The following ARID1B variants were observed in gnomAD, a reference collection of about 807,000 sequenced individuals.
ARID1B encodes the protein AT-rich interactive domain-containing protein 1B.
In ARID1B, 30 loss-of-function variants were observed where a neutral mutation model predicts 212.3. The observed-to-expected ratio is 0.14, with a 90% CI of 0.11 to 0.19. The LOEUF (loss-of-function observed/expected upper bound fraction) is 0.19. Among genes scored for constraint, ARID1B ranks in the 10% least tolerant of loss-of-function variants. The probability of loss-of-function intolerance (pLI) is 1.00; values close to 1 mark genes in which losing one functional copy is unlikely to be tolerated. For missense variants in ARID1B, 2,891 were observed against 3,204.0 expected (o/e 0.90, Z 2.36); for synonymous variants, 1,402 against 1,301.7 (o/e 1.08, Z -1.66).
At chr6:157,095,884 G>A (rs1302662955) in intron 5 of ARID1B, among the ~76,000 whole-genome samples, 1 of 152,006 alleles carries the variant, frequency 6.6e-6, no homozygotes, top group Non-Finnish European at 1.5e-5. Flanking sequence ...AGAGAAGCGA[G>A]CCTCAGTGGA....
At chr6:156,796,909 T>C (rs1003878238) in intron 1 of ARID1B, among the ~76,000 whole-genome samples, 2 of 151,910 alleles carry the variant, frequency 1.3e-5, no homozygotes, top group African/African-American at 2.4e-5. Flanking sequence ...AGGCCCAGCC[T>C]CATGTGCTTT....
At position 156,957,850 on chromosome 6, in the gene ARID1B, C is replaced by T. The variant is rs189629471; in HGVS notation, c.2247+22274C>T. ...TGATGGAGATAATGACACCAGGATA[C>T]CCATGTGTTGAGTCCATCTTGCTGC... On this transcript the variant is annotated intron_variant, in intron 4 of 19. Transcript: ENST00000636930. Among the ~76,000 whole-genome samples the T allele has an allele frequency of 3.3e-5, 5 of 152,148 alleles. No homozygotes were observed. In the East Asian group the frequency reaches 9.7e-4, roughly 29 times the overall value.
At position 156,778,946 on chromosome 6, in the gene ARID1B, GGCGGCGGCGGCC is replaced by G. The variant is rs763063242; in HGVS notation, c.1278_1289del (p.Ala430_Ala433del). 431 of 1,293,648 alleles carry G rather than the reference GGCGGCGGCGGCC, an allele frequency of 3.3e-4. 1 individual carries two copies. The highest frequency in any genetic ancestry group is 4.1e-4 in the East Asian group (13 of 31,922). 80.1% of individuals were successfully genotyped at this position (1,293,648 alleles called of 1,614,324 possible). ...CAGGAGGAGCAGGAGCGGGAGCTGT[GGCGGCGGCGGCC>G]GCGGCGGCGGCGGCAGCAGCAGGAG... is the stretch of plus-strand genomic sequence containing the variant. On this transcript the variant is annotated inframe_deletion, in exon 1 of 20. Coordinates refer to ENST00000636930, the MANE Select transcript of ARID1B (RefSeq NM_001374828.1).
At chr6:156,980,804 G>C (rs1372332340) in intron 4 of ARID1B, among the ~76,000 whole-genome samples, 1 of 152,206 alleles carries the variant, frequency 6.6e-6, no homozygotes, top group Non-Finnish European at 1.5e-5. Context: ...CAGGAGCTCA[G>C]ATTTCAGCCT....
intron 4 of ARID1B, among the ~76,000 whole-genome samples, chr6:156,975,539 C>T (rs936152669): frequency 1.3e-5 from 2 of 150,444 alleles, no homozygotes; most frequent in Non-Finnish European, 2.9e-5. Context: ...GCTTTTGGTG[C>T]GAAACTGCCT....
intron 8 of ARID1B, chr6:157,150,288 C>A (rs1475672443): frequency 6.6e-6 from 1 of 151,894 alleles, no homozygotes; most frequent in Non-Finnish European, 1.5e-5. Flanking sequence ...CTACGCGTGC[C>A]CCCTCTCTGA....
intron 4 of ARID1B, chr6:156,943,769 A>G (rs1235167015): frequency 2.0e-5 from 3 of 152,224 alleles, no homozygotes; most frequent in African/African-American, 7.2e-5. Context: ...TGATTATTAG[A>G]CTGAAATGAA....
At chr6:157,023,187 C>CT (rs1276558461) in intron 4 of ARID1B, 1 of 152,192 alleles carries the variant, frequency 6.6e-6, no homozygotes, top group Admixed American at 6.5e-5. Context: ...AGGATATACT[C>CT]TTGTATTCCA....
chr6:156,856,257 A>G (rs1784922245), intron 2 of ARID1B, among the ~76,000 whole-genome samples: 1 of 152,218 alleles, frequency 6.6e-6, no homozygotes. Context: ...CACTATACCA[A>G]TGCCTAGAAC....
chr6:157,017,543 G>A (rs1357748970), intron 4 of ARID1B, among the ~76,000 whole-genome samples: 1 of 152,190 alleles, frequency 6.6e-6, no homozygotes, highest in Non-Finnish European at 1.5e-5. Flanking sequence ...AAGGCATTTA[G>A]TTAGCATCTT....
At chr6:156,909,539 C>T (rs2128223866) in intron 3 of ARID1B, among the ~76,000 whole-genome samples, 1 of 152,226 alleles carries the variant, frequency 6.6e-6, no homozygotes, top group South Asian at 2.1e-4. Flanking sequence ...TTCAGAATAC[C>T]CTTCTGTATC....
At position 156,901,433 on chromosome 6, in the gene ARID1B, C is replaced by A; in HGVS notation, c.2044C>A (p.Pro682Thr). 6.2e-7 allele frequency: 1 copy of A among 1,614,114 alleles called. No individual in the cohort carries two copies. Among genetic ancestry groups the A allele is most frequent in the Non-Finnish European group, 8.5e-7 (1 of 1,180,042 alleles). Residue 682 changes from proline (P) to threonine (T), a missense_variant, in exon 3 of 20, where the codon CCA (proline) becomes ACA (threonine). Around this residue, in one of 7 missense-constraint regions of ARID1B, gnomAD observed 1,643 missense variants for 1,544.0 expected, o/e 1.06. Coordinates refer to ENST00000636930, the MANE Select transcript of ARID1B (RefSeq NM_001374828.1). ...TGGTTACTGCCAGCAGGGCCAACAG[C>A]CATATTACAGCCAGCAGCCGCAGCC... ...VSGYCQQGQQ[P>T]YYSQQPQPPH...
At chr6:156,912,862 C>T (rs1363749689) in intron 3 of ARID1B, among the ~76,000 whole-genome samples, 3 of 152,182 alleles carry the variant, frequency 2.0e-5, no homozygotes, top group African/African-American at 7.2e-5. Flanking sequence ...CATCATTTCT[C>T]CCACCCCAAA....
At chr6:156,839,191 A>G (rs1036429657) in intron 2 of ARID1B, among the ~76,000 whole-genome samples, 3 of 152,168 alleles carry the variant, frequency 2.0e-5, no homozygotes, top group Non-Finnish European at 4.4e-5. Context: ...CAGACTGGGT[A>G]ATTTATAAAG....
intron 4 of ARID1B, chr6:156,976,787 C>A: frequency 1.8e-6 from 1 of 552,216 alleles, no homozygotes; most frequent in Admixed American, 1.9e-5. Flanking sequence ...ACCACAAACC[C>A]ATCGGCAGGA....
In ARID1B at chr6:157,148,538, T is replaced by A. The variant is rs952746053; in HGVS notation, c.2762-86T>A. 2.1e-6 allele frequency: 3 copies of A among 1,430,656 alleles called. No individual in the cohort carries two copies. Among genetic ancestry groups the A allele is most frequent in the Admixed American group, 1.9e-5 (1 of 52,396 alleles). 88.6% of individuals were successfully genotyped at this position (1,430,656 alleles called of 1,614,324 possible). A position where few individuals can be genotyped will look rare whatever the true frequency, so the allele number is the denominator to read the frequency against. On this transcript the variant is annotated intron_variant, in intron 7 of 19. Transcript: ENST00000636930. The surrounding 1 kb of genome is among the most constrained non-coding windows in gnomAD (Gnocchi z 5.6). ...GGTCATGACTAATACTCCGTGCTGA[T>A]CGCATTGTTGGACAAAAAGTATTTC...
intron 10 of ARID1B, 48 bp downstream of exon 10, chr6:157,174,165 G>A (rs748620770): frequency 1.3e-6 from 2 of 1,552,166 alleles, no homozygotes; most frequent in Admixed American, 1.7e-5. Context: ...CTAGCAAAAA[G>A]CTGCCATGTC....
intron 1 of ARID1B, among the ~76,000 whole-genome samples, chr6:156,797,732 G>A (rs1780486214): frequency 6.6e-6 from 1 of 152,222 alleles, no homozygotes; most frequent in Non-Finnish European, 1.5e-5. Flanking sequence ...TGCTGGAGCA[G>A]AAGGAAAAGA....
chr6:157,023,752 C>T (rs1780475035), intron 4 of ARID1B: 1 of 152,200 alleles, frequency 6.6e-6, no homozygotes, highest in South Asian at 2.1e-4. Flanking sequence ...TTTCTATTTG[C>T]TGCAAACATT....
Sources: allele counts gnomAD v4.1 joint callset (sites outside exome capture counted in the v4.1 genomes callset), GRCh38; gene constraint gnomAD v4.1.1; regional missense constraint gnomAD v4.1.1; non-coding constraint Gnocchi (gnomAD v3.1); transcripts MANE v1.5; gene names NCBI Gene and HGNC (gene_info 2026-07-23, HGNC 2026-07-21).